Variants in HSD11B1 observed in about 807,000 individuals in gnomAD.
HSD11B1 encodes the protein hydroxysteroid 11-beta dehydrogenase 1.
In HSD11B1, 15 loss-of-function variants were observed where a neutral mutation model predicts 22.1. That is an observed-to-expected ratio of 0.68 (90% confidence interval 0.45 to 1.04). The LOEUF is 1.04. HSD11B1 is among the 50% of genes least tolerant of loss of function. HSD11B1 has a pLI of 0.00. For missense variants in HSD11B1, 281 were observed against 357.6 expected (o/e 0.79, Z 1.73); for synonymous variants, 122 against 125.2 (o/e 0.97, Z 0.17).
chr1:209,705,806 C>A lies in HSD11B1; in HGVS notation c.89-5C>A, dbSNP rs749449764. On this transcript the variant is annotated splice_region_variant and splice_polypyrimidine_tract_variant and intron_variant, in intron 1 of 5. Transcript: ENST00000367027. The stretch of plus-strand genomic sequence containing the variant: ...TGGTCCTCACTTCCTTTTGGGGTTC[C>A]CCAGAGATGCTCCAAGGAAAGAAAG... 38 of 1,613,498 alleles carry A rather than the reference C, an allele frequency of 2.4e-5. No individual in the cohort carries two copies. In the South Asian group the frequency reaches 3.6e-4, roughly 15 times the overall value.
upstream of HSD11B1, among the ~76,000 whole-genome samples, chr1:209,703,725 C>G (rs2102367117): frequency 1.3e-5 from 2 of 152,288 alleles, no homozygotes; most frequent in Middle Eastern, 6.8e-3. Context: ...CAACTCCTAT[C>G]CCTCCTCCAA....
chr1:209,720,758 T>C (rs551029076), intron 4 of HSD11B1, among the ~76,000 whole-genome samples: 7 of 152,124 alleles, frequency 4.6e-5, no homozygotes, highest in African/African-American at 1.7e-4. Context: ...ATGACAAAAT[T>C]TGAATAGGGT....
intron 4 of HSD11B1, among the ~76,000 whole-genome samples, chr1:209,718,672 C>T (rs2076945140): frequency 6.6e-6 from 1 of 151,956 alleles, no homozygotes; most frequent in African/African-American, 2.4e-5. Context: ...TATGGCAGTA[C>T]CTCAGAAAAT....
Position 209,705,977 on chromosome 1 carries a change from A to C in HSD11B1, c.219+36A>C, listed in dbSNP as rs866834655. 6.2e-6 allele frequency: 10 copies of C among 1,612,924 alleles called. No homozygotes were observed. In the Middle Eastern group the frequency reaches 1.7e-3, roughly 268 times the overall value. On this transcript the variant is annotated intron_variant, in intron 2 of 5. Transcript: ENST00000367027. ...TATGCTCGCAGATATGTGTACCGTC[A>C]CATGCTCAGATGTGTTCTTATATAT...
chr1:209,708,925 T>G (rs1317825028), intron 4 of HSD11B1, among the ~76,000 whole-genome samples: 2 of 152,222 alleles, frequency 1.3e-5, no homozygotes, highest in African/African-American at 4.8e-5. Context: ...TTATTGCTTG[T>G]GTAGCCAAAA....
At chr1:209,733,195 A>T (rs2077046441) in intron 5 of HSD11B1, among the ~76,000 whole-genome samples, 1 of 152,224 alleles carries the variant, frequency 6.6e-6, no homozygotes, top group African/African-American at 2.4e-5. Context: ...AGCACCAGTA[A>T]TAAGACACAC....
rs368918427 is a variant in HSD11B1 at position 209,705,995 on chromosome 1, TTATATATGCTCACA to T, written c.219+59_219+72del. ...TACCGTCACATGCTCAGATGTGTTC[TTATATATGCTCACA>T]TATACACAGAAGCTAGCATATCGCA... On this transcript the variant is annotated intron_variant, in intron 2 of 5. Coordinates refer to ENST00000367027, the MANE Select transcript of HSD11B1 (RefSeq NM_005525.4). 1,094 of 1,607,922 alleles carry T rather than the reference TTATATATGCTCACA, an allele frequency of 6.8e-4. 8 individuals carry two copies. In the African/African-American group the frequency reaches 0.013, roughly 19 times the overall value.
intron 1 of HSD11B1, among the ~76,000 whole-genome samples, chr1:209,686,648 G>A (rs1281021707): frequency 2.0e-5 from 2 of 99,528 alleles, no homozygotes; most frequent in Non-Finnish European, 4.9e-5. Context: ...CAGAAAGACA[G>A]CAAGAATTAT....
At position 209,734,602 on chromosome 1, in the gene HSD11B1, C is replaced by A; in HGVS notation, c.*81C>A. The stretch of plus-strand genomic sequence containing the variant: ...TTATCTGAGCTCTTATCTATGAAGA[C>A]ATCTTCCCAGAGTGTCCCCAGAGAC... On this transcript the variant is annotated 3_prime_UTR_variant, in exon 6 of 6. Coordinates refer to ENST00000367027, the MANE Select transcript of HSD11B1 (RefSeq NM_005525.4). The A allele has an allele frequency of 9.4e-7, 1 of 1,062,076 alleles. No homozygotes were observed. The highest frequency in any genetic ancestry group is 1.4e-6 in the Non-Finnish European group (1 of 690,828). The allele number at this position is 1,062,076 out of a possible 1,614,324, so 65.8% of individuals were successfully genotyped here.
chr1:209,689,766 G>A (rs552281547), intron 1 of HSD11B1, among the ~76,000 whole-genome samples: 3 of 151,542 alleles, frequency 2.0e-5, no homozygotes, highest in Admixed American at 6.6e-5. Flanking sequence ...TGCTTCTTCT[G>A]CAGGCTGCAA....
chr1:209,717,355 G>T (rs578190408), intron 4 of HSD11B1, among the ~76,000 whole-genome samples: 10 of 152,220 alleles, frequency 6.6e-5, no homozygotes, highest in African/African-American at 1.9e-4. Flanking sequence ...ACTACTATGA[G>T]ATATCATCTT....
chr1:209,725,814 A>AATGGTCCTTATTTGCAC, intron 4 of HSD11B1, among the ~76,000 whole-genome samples: 1 of 152,324 alleles, frequency 6.6e-6, no homozygotes, highest in East Asian at 1.9e-4. Context: ...TCTGCAGGTT[A>AATGGTCCTTATTTGCAC]ATGGTCCTTA....
intron 4 of HSD11B1, among the ~76,000 whole-genome samples, chr1:209,713,380 T>C (rs1237242431): frequency 6.6e-6 from 1 of 152,252 alleles, no homozygotes; most frequent in African/African-American, 2.4e-5. Context: ...TTCCAAATTT[T>C]CATTGTGTGT....
intron 1 of HSD11B1, among the ~76,000 whole-genome samples, chr1:209,696,897 A>G (rs2076794318): frequency 1.3e-5 from 2 of 152,248 alleles, no homozygotes; most frequent in South Asian, 4.1e-4. Context: ...ACAGCCTGGC[A>G]GGAAGAGTGA....
chr1:209,687,853 G>C (rs1477506373), intron 1 of HSD11B1, among the ~76,000 whole-genome samples: 2 of 152,224 alleles, frequency 1.3e-5, no homozygotes, highest in Non-Finnish European at 2.9e-5. Flanking sequence ...TCCAGAATCT[G>C]TTTTATAACT....
At chr1:209,690,641 G>C (rs944365226) in intron 1 of HSD11B1, among the ~76,000 whole-genome samples, 1 of 151,868 alleles carries the variant, frequency 6.6e-6, no homozygotes, top group Non-Finnish European at 1.5e-5. Context: ...AGGTTGCAGG[G>C]AGCCAAGATC....
upstream of HSD11B1, among the ~76,000 whole-genome samples, chr1:209,701,314 G>A (rs1000896742): frequency 6.6e-6 from 1 of 152,166 alleles, no homozygotes; most frequent in Non-Finnish European, 1.5e-5. Context: ...AGAGAAAAAT[G>A]AGGAAGAAGC....
intron 4 of HSD11B1, among the ~76,000 whole-genome samples, chr1:209,721,324 C>T (rs2076964849): frequency 6.6e-6 from 1 of 151,778 alleles, no homozygotes; most frequent in South Asian, 2.1e-4. Flanking sequence ...AAGAAATGAA[C>T]ACTAAGTATT....
intron 4 of HSD11B1, among the ~76,000 whole-genome samples, chr1:209,730,425 T>A (rs1281960999): frequency 6.6e-6 from 1 of 152,256 alleles, no homozygotes; most frequent in East Asian, 1.9e-4. Flanking sequence ...GCATGCCACC[T>A]GAATCCATCT....
Sources: allele counts gnomAD v4.1 joint callset (sites outside exome capture counted in the v4.1 genomes callset), GRCh38; gene constraint gnomAD v4.1.1; transcripts MANE v1.5; gene names NCBI Gene and HGNC (gene_info 2026-07-23, HGNC 2026-07-21).